ADAMTS3: variants seen among roughly 807,000 people sequenced by gnomAD.
The protein encoded by ADAMTS3 is A disintegrin and metalloproteinase with thrombospondin motifs 3.
Under a neutral mutation model 129.0 loss-of-function variants are expected in ADAMTS3, and 73 were observed. The ratio of observed to expected loss-of-function variants is 0.57; its 90% confidence interval spans 0.47 to 0.69. The LOEUF (loss-of-function observed/expected upper bound fraction) is 0.69. Among genes scored for constraint, ADAMTS3 ranks in the 30% least tolerant of loss-of-function variants. The probability of loss-of-function intolerance (pLI) is 0.00; values close to 1 mark genes in which losing one functional copy is unlikely to be tolerated. For synonymous variants in ADAMTS3, 477 were observed against 510.8 expected (o/e 0.93, Z 0.89); for missense variants, 1,457 against 1,514.5 (o/e 0.96, Z 0.63).
intron 17 of ADAMTS3, among the ~76,000 whole-genome samples, chr4:72,299,581 C>T (rs758551029): frequency 1.3e-5 from 2 of 151,976 alleles, no homozygotes; most frequent in Non-Finnish European, 2.9e-5. Context: ...GAATGGTCCT[C>T]CGGAACAGTT....
intron 19 of ADAMTS3, among the ~76,000 whole-genome samples, chr4:72,293,946 CA>C (rs1177882460): frequency 1.3e-5 from 2 of 151,768 alleles, no homozygotes; most frequent in Non-Finnish European, 2.9e-5. Context: ...GATATGATAG[CA>C]AAAATGAAAG....
At chr4:72,423,461 G>A (rs1247973227) in intron 3 of ADAMTS3, among the ~76,000 whole-genome samples, 1 of 152,048 alleles carries the variant, frequency 6.6e-6, no homozygotes, top group African/African-American at 2.4e-5. Flanking sequence ...CCGTTTCACT[G>A]TTATTTCCTC....
At chr4:72,526,026 C>T (rs1468591429) in intron 3 of ADAMTS3, among the ~76,000 whole-genome samples, 1 of 152,170 alleles carries the variant, frequency 6.6e-6, no homozygotes, top group African/African-American at 2.4e-5. Flanking sequence ...GATTAGCCAG[C>T]ACTAGCCCTT....
chr4:72,548,632 G>C lies in ADAMTS3; in HGVS notation c.350C>G (p.Pro117Arg), dbSNP rs776800661. ...GTTAATGGGATCGGTTATATTCCCAGGCACCAGAGATGTCTCATGCCACTC... is the reference window on the plus strand; with the variant it reads ...GTTAATGGGATCGGTTATATTCCCACGCACCAGAGATGTCTCATGCCACTC... ...VVEWHETSLVPGNITDPINNH... is the reference protein window; with the variant it reads ...VVEWHETSLVRGNITDPINNH... Residue 117 changes from proline (P) to arginine (R), a missense_variant, in exon 3 of 22, where the codon CCT (proline) becomes CGT (arginine). Physicochemically the swap from Pro to Arg is moderately radical, Grantham distance 103 (BLOSUM62 -2). Coordinates refer to ENST00000286657, the MANE Select transcript of ADAMTS3 (RefSeq NM_014243.3). 1.2e-6 allele frequency: 2 copies of C among 1,613,976 alleles called. No homozygotes were observed. The highest frequency in any genetic ancestry group is 1.7e-5 in the Admixed American group (1 of 59,988).
intron 4 of ADAMTS3, among the ~76,000 whole-genome samples, chr4:72,347,187 A>C (rs895185613): frequency 2.6e-5 from 4 of 152,066 alleles, no homozygotes; most frequent in African/African-American, 9.7e-5. Context: ...GATGAGTATG[A>C]GCCTGTGAAT....
At chr4:72,342,532 T>A (rs2109834861) in intron 4 of ADAMTS3, among the ~76,000 whole-genome samples, 1 of 151,834 alleles carries the variant, frequency 6.6e-6, no homozygotes, top group South Asian at 2.1e-4. Context: ...CCCAGCTAAT[T>A]TTTTTTCTTT....
Position 72,478,616 on chromosome 4 carries a change from C to A in ADAMTS3, c.505-63645G>T, listed in dbSNP as rs1196381367. On this transcript the variant is annotated intron_variant, in intron 3 of 21. Transcript: ENST00000286657. ...GAATGGGCAAAAACTGGAAGCATTC[C>A]CTTTGAAAACTGGCACAAGACAGGG... is the stretch of plus-strand genomic sequence containing the variant. Among the ~76,000 whole-genome samples the A allele has an allele frequency of 2.7e-5, 4 of 146,808 alleles. No homozygotes were observed. The Admixed American group carries it at 2.7e-4, about 10-fold the overall frequency.
At chr4:72,482,204 C>T (rs1719455870) in intron 3 of ADAMTS3, among the ~76,000 whole-genome samples, 1 of 151,974 alleles carries the variant, frequency 6.6e-6, no homozygotes. Context: ...AAAACCTGTA[C>T]ACAAAGTTTA....
chr4:72,390,385 A>G (rs963403702), intron 4 of ADAMTS3, among the ~76,000 whole-genome samples: 2 of 152,196 alleles, frequency 1.3e-5, no homozygotes, highest in African/African-American at 4.8e-5. Flanking sequence ...TTCTCAAAAG[A>G]ACCCAGTGAG....
chr4:72,305,995 TGAG>T lies in ADAMTS3; in HGVS notation c.2249_2251del (p.Pro750del), dbSNP rs1244835061. 2 of 1,610,992 alleles carry T rather than the reference TGAG, an allele frequency of 1.2e-6. No individual in the cohort carries two copies. Among genetic ancestry groups the T allele is most frequent in the Middle Eastern group, 1.6e-4 (1 of 6,066 alleles). ...CAGACAGAAACACTTACCAAGAATA[TGAG>T]GAGAAGCCTCGTCTTCTTGGATTAA... On this transcript the variant is annotated inframe_deletion, in exon 16 of 22. Transcript: ENST00000286657.
At chr4:72,539,254 C>T (rs1163703179) in intron 3 of ADAMTS3, among the ~76,000 whole-genome samples, 4 of 151,636 alleles carry the variant, frequency 2.6e-5, no homozygotes, top group African/African-American at 7.3e-5. Context: ...ACTTGCAAAC[C>T]ATATATCTGA....
intron 4 of ADAMTS3, among the ~76,000 whole-genome samples, chr4:72,407,196 A>G (rs1023143995): frequency 2.0e-5 from 3 of 152,120 alleles, no homozygotes; most frequent in Non-Finnish European, 4.4e-5. Context: ...AAATGAGGAA[A>G]GACAATGTAT....
At chr4:72,449,201 T>C (rs1375371923) in intron 3 of ADAMTS3, among the ~76,000 whole-genome samples, 1 of 151,594 alleles carries the variant, frequency 6.6e-6, no homozygotes, top group African/African-American at 2.4e-5. Flanking sequence ...AGTCCCATGG[T>C]TGTAAAGAGC....
chr4:72,335,674 C>T (rs1719970566), intron 5 of ADAMTS3, among the ~76,000 whole-genome samples: 1 of 152,014 alleles, frequency 6.6e-6, no homozygotes, highest in Admixed American at 6.6e-5. Context: ...ATTTCATTAA[C>T]ATTTTCAAAG....
intron 3 of ADAMTS3, among the ~76,000 whole-genome samples, chr4:72,424,188 C>T (rs886141518): frequency 2.6e-5 from 4 of 151,964 alleles, no homozygotes; most frequent in African/African-American, 7.3e-5. Context: ...TCTGTTATCT[C>T]GAAAGCATCT....
chr4:72,386,493 T>C (rs1365443679), intron 4 of ADAMTS3, among the ~76,000 whole-genome samples: 1 of 152,026 alleles, frequency 6.6e-6, no homozygotes, highest in African/African-American at 2.4e-5. Flanking sequence ...AAAGTAACTA[T>C]ACCATCAGTG....
chr4:72,321,520 T>C (rs1360616584), intron 6 of ADAMTS3, among the ~76,000 whole-genome samples: 2 of 152,130 alleles, frequency 1.3e-5, no homozygotes, highest in African/African-American at 4.8e-5. Context: ...ATAATTTTAG[T>C]AGTCTAAATA....
intron 3 of ADAMTS3, among the ~76,000 whole-genome samples, chr4:72,498,529 A>C (rs538503544): frequency 6.6e-6 from 1 of 152,096 alleles, no homozygotes; most frequent in South Asian, 2.1e-4. Flanking sequence ...GGGCATACCT[A>C]CTAAATCACA....
chr4:72,353,028 T>G (rs1406460043), intron 4 of ADAMTS3, among the ~76,000 whole-genome samples: 1 of 152,032 alleles, frequency 6.6e-6, no homozygotes, highest in African/African-American at 2.4e-5. Context: ...AATGTTTTCG[T>G]TCATTCTCAC....
Sources: allele counts gnomAD v4.1 joint callset (sites outside exome capture counted in the v4.1 genomes callset), GRCh38; gene constraint gnomAD v4.1.1; transcripts MANE v1.5; gene names NCBI Gene and HGNC (gene_info 2026-07-23, HGNC 2026-07-21).